The following NPAS1 variants were observed in gnomAD, a reference collection of about 807,000 sequenced individuals.
NPAS1 encodes neuronal PAS domain protein 1, also known as neuronal PAS domain-containing protein 1.
NPAS1 carries 29 observed loss-of-function variants against 49.2 expected under a neutral mutation model. The observed-to-expected ratio is 0.59, with a 90% CI of 0.44 to 0.80. The LOEUF is 0.80. Among genes scored for constraint, NPAS1 ranks in the 30% least tolerant of loss-of-function variants. The pLI is 0.00. For synonymous variants in NPAS1, 408 were observed against 380.4 expected (o/e 1.07, Z -0.84); for missense variants, 825 against 835.5 (o/e 0.99, Z 0.15).
chr19:47,020,359 G>C (rs1011321939), intron 1 of NPAS1, among the ~76,000 whole-genome samples: 1 of 152,066 alleles, frequency 6.6e-6, no homozygotes, highest in Non-Finnish European at 1.5e-5. Flanking sequence ...CTGGGGCAGA[G>C]GCTGCGGCGG....
chr19:47,042,696 A>T, intron 10 of NPAS1, 114 bp from the exon 11 acceptor site: 1 of 736,590 alleles, frequency 1.4e-6, no homozygotes, highest in East Asian at 3.3e-5. Flanking sequence ...CAGGGTGGGG[A>T]CTCCACATTT....
chr19:47,035,806 A>G (rs1008037984), intron 5 of NPAS1, 158 bp from the exon 6 acceptor site: 1 of 694,674 alleles, frequency 1.4e-6, no homozygotes, highest in South Asian at 2.2e-5. Context: ...TTCCGTTTGA[A>G]AGGTAATTGT....
Position 47,021,790 on chromosome 19 carries a change from G to A in NPAS1, c.301G>A (p.Ala101Thr). ...SVTYLRLRRF[A>T]ALGAPPWGLR... Reference sequence around the variant, plus strand: ...CACCTACCTCCGCCTGCGCCGGTTCGCCGCGCTGGGGGCGCCGCCCTGGGG... The same window carrying A: ...CACCTACCTCCGCCTGCGCCGGTTCACCGCGCTGGGGGCGCCGCCCTGGGG... Residue 101 changes from alanine to threonine, a missense_variant, in exon 3 of 12, where the codon GCC becomes ACC. Transcript: ENST00000602212. This position sits in a 1 kb window ranked among gnomAD's most constrained non-coding sequence, Gnocchi z 5.7. 6.5e-7 allele frequency: 1 copy of A among 1,531,174 alleles called. No homozygotes were observed. Among genetic ancestry groups the A allele is most frequent in the South Asian group, 1.2e-5 (1 of 82,228 alleles). The allele number at this position is 1,531,174 out of a possible 1,614,324, so 94.8% of individuals were successfully genotyped here.
intron 3 of NPAS1, 66 bp from the exon 4 acceptor site, chr19:47,032,212 T>C: frequency 6.8e-7 from 1 of 1,463,626 alleles, no homozygotes; most frequent in South Asian, 1.1e-5. Flanking sequence ...GTAGACTGGC[T>C]CCCGGGGGAC....
chr19:47,039,520 C>T lies in NPAS1; in HGVS notation c.918C>T (p.Val306=). ...AELPLHGHMI[V]FRLSLGLTIL... is the part of the protein sequence containing the mutation. Reference sequence around the variant, plus strand: ...TGCCACTCCATGGACACATGATCGTCTTCCGTCTCAGCCTGGGTCTCACCA... The same window carrying T: ...TGCCACTCCATGGACACATGATCGTTTTCCGTCTCAGCCTGGGTCTCACCA... The change falls in exon 8 of 12, where the codon GTC becomes GTT. Residue 306 remains valine (V), a synonymous_variant. Coordinates refer to ENST00000602212, the MANE Select transcript of NPAS1 (RefSeq NM_002517.4). 6.2e-7 allele frequency: 1 copy of T among 1,607,842 alleles called. No individual in the cohort carries two copies. Among genetic ancestry groups the T allele is most frequent in the Non-Finnish European group, 8.5e-7 (1 of 1,176,234 alleles).
rs2056881074 is a variant in NPAS1, at chr19:47,027,536, CTCTGCCCCTGGTCTCCTGTCTG to C, written c.359-4725_359-4704del. On this transcript the variant is annotated intron_variant, in intron 3 of 11. Coordinates refer to ENST00000602212, the MANE Select transcript of NPAS1 (RefSeq NM_002517.4). ...TCTCTCTGCCCCTGTTCTCCCTTCT[CTCTGCCCCTGGTCTCCTGTCTG>C]TCTGCCCCTGGTCTCCCTTCTCTCT... is the stretch of plus-strand genomic sequence containing the variant. Among the ~76,000 whole-genome samples, 9 of 42,552 alleles carry C rather than the reference CTCTGCCCCTGGTCTCCTGTCTG, an allele frequency of 2.1e-4. 1 individual carries two copies. The highest frequency in any genetic ancestry group is 6.2e-4 in the East Asian group (1 of 1,612). 27.9% of individuals were successfully genotyped at this position (42,552 alleles called of 152,430 possible). A position where few individuals can be genotyped will look rare whatever the true frequency, so the allele number is the denominator to read the frequency against.
rs1263604616 is a variant in NPAS1 at position 47,021,038 on chromosome 19, C to G, written c.-10C>G. On this transcript the variant is annotated 5_prime_UTR_variant, in exon 2 of 12. Transcript: ENST00000602212. The surrounding 1 kb of genome is among the most constrained non-coding windows in gnomAD (Gnocchi z 5.7). ...GGGGCTCGGAGCCCGCCTGAGCGAG[C>G]CCCCCGGAGATGGCGGCCCCCTATC... 6.3e-7 allele frequency: 1 copy of G among 1,596,026 alleles called. No individual in the cohort carries two copies. Among genetic ancestry groups the G allele is most frequent in the Non-Finnish European group, 8.5e-7 (1 of 1,173,510 alleles).
intron 6 of NPAS1, among the ~76,000 whole-genome samples, chr19:47,038,247 A>G (rs997172869): frequency 1.7e-4 from 26 of 152,304 alleles, no homozygotes; most frequent in East Asian, 1.2e-3. Flanking sequence ...GGCCAGGCGC[A>G]GTGGCTCACG....
chr19:47,045,270 AG>A lies in NPAS1; in HGVS notation c.1393del (p.Val465TrpfsTer39). 6.2e-7 allele frequency: 1 copy of A among 1,614,000 alleles called. No individual in the cohort carries two copies. The highest frequency in any genetic ancestry group is 2.2e-5 in the East Asian group (1 of 44,850). On this transcript the variant is annotated frameshift_variant, in exon 12 of 12. Transcript: ENST00000602212. LOFTEE classifies it low-confidence loss of function (END_TRUNC). ...CCCAGACCCAGGGCAAACGCATCAA[AG>A]TGGAGCCCGGCCCGAGGGAAACCAA... ...APQTQGKRIKVEPGPRETKGS... is the reference protein window; with the variant it reads ...APQTQGKRIKXEPGPRETKGS...
intron 5 of NPAS1, 97 bp from the exon 6 acceptor site, chr19:47,035,867 G>C (rs1012019083): frequency 5.6e-5 from 71 of 1,275,214 alleles, no homozygotes; most frequent in Non-Finnish European, 7.1e-5. Flanking sequence ...AAGCGCACCT[G>C]CGTGCAGGCA....
rs139848845 is a variant in NPAS1 at position 47,041,030 on chromosome 19, C to T, written c.1122C>T (p.Ala374=). The change falls in exon 10 of 12, where the codon GCC becomes GCT. Residue 374 remains alanine (A), a synonymous_variant. Transcript: ENST00000602212. ...MTGYYRWLQR[A]GGFVWLQSVA... ...GTTACTACCGTTGGCTGCAGCGTGCCGGGGGCTTCGTGTGGCTGCAGTCTG... is the reference window on the plus strand; with the variant it reads ...GTTACTACCGTTGGCTGCAGCGTGCTGGGGGCTTCGTGTGGCTGCAGTCTG... The T allele has an allele frequency of 2.0e-4, 321 of 1,569,308 alleles. 1 individual carries two copies. The highest frequency in any genetic ancestry group is 2.0e-3 in the African/African-American group (149 of 74,386).
In NPAS1 at chr19:47,020,934, G is replaced by T. The variant is rs900645594; in HGVS notation, c.-42-72G>T. ...GCTCCTTGCTGGGACCCTGAGCCCT[G>T]CACGGATCTCAGTTTCCCTAGAAGG... On this transcript the variant is annotated intron_variant, in intron 1 of 11. Coordinates refer to ENST00000602212, the MANE Select transcript of NPAS1 (RefSeq NM_002517.4). 1.9e-5 allele frequency: 12 copies of T among 625,046 alleles called. No individual in the cohort carries two copies. In the African/African-American group the frequency reaches 2.6e-4, roughly 14 times the overall value. The allele number at this position is 625,046 out of a possible 1,614,324, so 38.7% of individuals were successfully genotyped here.
intron 8 of NPAS1, 41 bp from the exon 9 acceptor site, chr19:47,040,403 C>T (rs972243119): frequency 7.1e-6 from 10 of 1,401,800 alleles, no homozygotes; most frequent in South Asian, 1.2e-5. Context: ...CCCCCAACCC[C>T]GTGGTCTTGG....
At chr19:47,023,266 A>AG (rs112343590) in intron 3 of NPAS1, among the ~76,000 whole-genome samples, 5,887 of 151,082 alleles carry the variant, frequency 0.039, 380 homozygotes, top group African/African-American at 0.13. Flanking sequence ...CCCGAGCTGA[A>AG]GGGGGGGAAA....
Position 47,021,039 on chromosome 19 carries a change from C to A in NPAS1, c.-9C>A, listed in dbSNP as rs1428826195. Reference sequence around the variant, plus strand: ...GGGCTCGGAGCCCGCCTGAGCGAGCCCCCCGGAGATGGCGGCCCCCTATCC... The same window carrying A: ...GGGCTCGGAGCCCGCCTGAGCGAGCACCCCGGAGATGGCGGCCCCCTATCC... On this transcript the variant is annotated 5_prime_UTR_variant, in exon 2 of 12. Coordinates refer to ENST00000602212, the MANE Select transcript of NPAS1 (RefSeq NM_002517.4). The surrounding 1 kb of genome is among the most constrained non-coding windows in gnomAD (Gnocchi z 5.7). 3.8e-6 allele frequency: 6 copies of A among 1,599,120 alleles called. No individual in the cohort carries two copies. Among genetic ancestry groups the A allele is most frequent in the African/African-American group, 1.3e-5 (1 of 74,176 alleles).
chr19:47,042,818 A>C lies in NPAS1; in HGVS notation c.1226A>C (p.Glu409Ala). Residue 409 changes from glutamate (E) to alanine (A), a missense_variant, in exon 11 of 12, where the codon GAG becomes GCG. Glu to Ala is a moderately radical substitution (Grantham distance 107, BLOSUM62 -1). Transcript: ENST00000602212. Reference sequence around the variant, plus strand: ...ATCCATCTTCTCCCCAGCCAAGCCGAGGGTGGCCAAACTCCTTTGGATGCC... The same window carrying C: ...ATCCATCTTCTCCCCAGCCAAGCCGCGGGTGGCCAAACTCCTTTGGATGCC... The part of the protein sequence containing the change: ...LWVSHVLSQA[E>A]GGQTPLDAFQ... The C allele has an allele frequency of 6.2e-7, 1 of 1,604,142 alleles. No homozygotes were observed. Among genetic ancestry groups the C allele is most frequent in the Non-Finnish European group, 8.5e-7 (1 of 1,175,474 alleles).
intron 9 of NPAS1, 169 bp from the exon 10 acceptor site, chr19:47,040,809 G>C (rs2057012029): frequency 1.5e-6 from 1 of 658,836 alleles, no homozygotes; most frequent in East Asian, 2.9e-5. Flanking sequence ...CTACCTCTCA[G>C]TCTCTCTGAC....
At chr19:47,040,241 T>C (rs544290188) in intron 8 of NPAS1, among the ~76,000 whole-genome samples, 1 of 152,140 alleles carries the variant, frequency 6.6e-6, no homozygotes, top group African/African-American at 2.4e-5. Context: ...CAGGCTGGTC[T>C]CGAACTCCTG....
chr19:47,027,646 G>GCCCCTGGTCTCCCTTCTC (rs1568501631), intron 3 of NPAS1, among the ~76,000 whole-genome samples: 4 of 19,396 alleles, frequency 2.1e-4, no homozygotes, highest in Non-Finnish European at 2.3e-4. Flanking sequence ...TCTCCCGTCT[G>GCCCCTGGTCTCCCTTCTC]TCTGCCCCTG....
Sources: allele counts gnomAD v4.1 joint callset (sites outside exome capture counted in the v4.1 genomes callset), GRCh38; gene constraint gnomAD v4.1.1; non-coding constraint Gnocchi (gnomAD v3.1); transcripts MANE v1.5; gene names NCBI Gene and HGNC (gene_info 2026-07-23, HGNC 2026-07-21).